CSMD2: variants seen among roughly 807,000 people sequenced by gnomAD.
The protein encoded by CSMD2 is CUB and Sushi multiple domains 2, also known as CUB and sushi domain-containing protein 2.
CSMD2 carries 130 observed loss-of-function variants against 398.5 expected under a neutral mutation model. That is an observed-to-expected ratio of 0.33 (90% CI 0.28 to 0.38). The LOEUF (loss-of-function observed/expected upper bound fraction) is 0.38. Ranked by LOEUF, CSMD2 falls within the 10% of genes least tolerant of loss-of-function variation. CSMD2 has a pLI of 1.00. For missense variants in CSMD2, 3,829 were observed against 4,764.9 expected (o/e 0.80, Z 5.78); for synonymous variants, 1,828 against 1,908.5 (o/e 0.96, Z 1.10).
chr1:33,590,715 G>C (rs1639382827), intron 44 of CSMD2, among the ~76,000 whole-genome samples: 1 of 151,820 alleles, frequency 6.6e-6, no homozygotes, highest in Non-Finnish European at 1.5e-5. Context: ...GGACATTCAA[G>C]GCAGACTCTT....
At chr1:33,707,591 G>T (rs1448184112) in intron 22 of CSMD2, among the ~76,000 whole-genome samples, 2 of 152,184 alleles carry the variant, frequency 1.3e-5, no homozygotes, top group Non-Finnish European at 2.9e-5. Flanking sequence ...GGCACATCCA[G>T]TCCCAGCCAG....
At chr1:33,592,422 C>A in intron 44 of CSMD2, 1 of 716,226 alleles carries the variant, frequency 1.4e-6, no homozygotes, top group South Asian at 1.5e-5. Context: ...CTGGTCCAAG[C>A]TTCTGTGGCT....
chr1:33,652,568 T>C, intron 27 of CSMD2, 107 bp from the exon 28 acceptor site: 1 of 1,337,756 alleles, frequency 7.5e-7, no homozygotes, highest in South Asian at 1.4e-5. Flanking sequence ...GCTGACAGGC[T>C]GAAGTTGAAC....
chr1:33,656,592 A>G (rs890466547), intron 27 of CSMD2, among the ~76,000 whole-genome samples: 2 of 152,186 alleles, frequency 1.3e-5, no homozygotes, highest in African/African-American at 4.8e-5. Context: ...AGAGAGGTGC[A>G]GGCCAGGGCA....
chr1:34,072,806 C>T (rs1289928268), intron 2 of CSMD2, among the ~76,000 whole-genome samples: 2 of 152,124 alleles, frequency 1.3e-5, no homozygotes, highest in Non-Finnish European at 2.9e-5. Context: ...CAACCCCTCC[C>T]CCACCACGTC....
intron 2 of CSMD2, among the ~76,000 whole-genome samples, chr1:34,076,931 A>G (rs1270202624): frequency 1.2e-5 from 1 of 81,292 alleles, no homozygotes; most frequent in Admixed American, 1.3e-4. Context: ...AAAAAAAAAT[A>G]TATATATATA....
At chr1:34,040,703 C>T (rs1651752350) in intron 2 of CSMD2, among the ~76,000 whole-genome samples, 1 of 152,150 alleles carries the variant, frequency 6.6e-6, no homozygotes. Flanking sequence ...CACTTAGTGA[C>T]ATGGCAAATC....
intron 3 of CSMD2, among the ~76,000 whole-genome samples, chr1:34,007,727 T>C (rs369322044): frequency 6.6e-6 from 1 of 152,316 alleles, no homozygotes; most frequent in African/African-American, 2.4e-5. Flanking sequence ...GCTGAATAAT[T>C]ATAGCAATAT....
chr1:33,520,323 A>G (rs1557473429), intron 68 of CSMD2, among the ~76,000 whole-genome samples: 1 of 152,240 alleles, frequency 6.6e-6, no homozygotes, highest in African/African-American at 2.4e-5. Context: ...ACAACAAAAT[A>G]TAAGACAGAT....
intron 64 of CSMD2, among the ~76,000 whole-genome samples, chr1:33,530,948 G>C (rs1222828366): frequency 6.6e-6 from 1 of 152,122 alleles, no homozygotes; most frequent in Non-Finnish European, 1.5e-5. Flanking sequence ...GCTAGGGTGG[G>C]GTGGTACTGG....
At chr1:33,819,592 GT>G in intron 9 of CSMD2, 120 bp downstream of exon 9, 1 of 811,328 alleles carries the variant, frequency 1.2e-6, no homozygotes, top group Non-Finnish European at 2.0e-6. Flanking sequence ...AGTGCAGGGA[GT>G]GAGGGGGGAG....
At chr1:33,591,552 CT>C (rs1639458363) in intron 44 of CSMD2, among the ~76,000 whole-genome samples, 1 of 152,040 alleles carries the variant, frequency 6.6e-6, no homozygotes, top group African/African-American at 2.4e-5. Flanking sequence ...AAATCACCTG[CT>C]TTTTTTGCAC....
At chr1:33,547,052 G>A (rs114570437) in intron 56 of CSMD2, among the ~76,000 whole-genome samples, 2,212 of 152,246 alleles carry the variant, frequency 0.015, 28 homozygotes, top group Non-Finnish European at 0.021. Flanking sequence ...TCGATGCTGG[G>A]CCTTTCATTA....
chr1:33,864,845 G>A, intron 5 of CSMD2: 2 of 1,094,396 alleles, frequency 1.8e-6, no homozygotes, highest in Non-Finnish European at 2.6e-6. Flanking sequence ...CTGATGCTTT[G>A]TGGAGGAGGG....
At chr1:33,926,578 T>G (rs1315875696) in intron 4 of CSMD2, among the ~76,000 whole-genome samples, 1 of 152,236 alleles carries the variant, frequency 6.6e-6, no homozygotes, top group Non-Finnish European at 1.5e-5. Context: ...AAAAGCTGTT[T>G]GGAGGTTTTC....
intron 64 of CSMD2, among the ~76,000 whole-genome samples, chr1:33,528,420 C>A (rs561851756): frequency 6.6e-6 from 1 of 152,238 alleles, no homozygotes; most frequent in South Asian, 2.1e-4. Flanking sequence ...TGGCGGGGAG[C>A]ACAGCTTTAG....
At chr1:34,151,297 T>C (rs1640296127) in intron 1 of CSMD2, among the ~76,000 whole-genome samples, 1 of 152,134 alleles carries the variant, frequency 6.6e-6, no homozygotes, top group African/African-American at 2.4e-5. Flanking sequence ...TCAGTGAGTG[T>C]TCCATGAGCC....
chr1:33,780,133 C>T (rs1438533862), intron 12 of CSMD2, among the ~76,000 whole-genome samples: 1 of 152,114 alleles, frequency 6.6e-6, no homozygotes, highest in Admixed American at 6.5e-5. Flanking sequence ...CCCTCAGAGC[C>T]AGGGGTCGCA....
intron 24 of CSMD2, 48 bp downstream of exon 24, chr1:33,698,705 G>A: frequency 6.4e-7 from 1 of 1,550,580 alleles, no homozygotes; most frequent in South Asian, 1.2e-5. Flanking sequence ...CTAGAGCTTG[G>A]TATTATGGGA....
Sources: gnomAD v4.1 joint callset for allele counts (sites outside exome capture counted in the v4.1 genomes callset) on GRCh38, gnomAD v4.1.1 for gene constraint, MANE v1.5 for transcripts, NCBI Gene and HGNC (gene_info 2026-07-23, HGNC 2026-07-21) for gene names.